FAM227B: variants seen among roughly 807,000 people sequenced by gnomAD.
FAM227B encodes the protein protein FAM227B.
In FAM227B, 88 loss-of-function variants were observed where a neutral mutation model predicts 73.8. The observed-to-expected ratio is 1.19, with a 90% confidence interval of 1.00 to 1.42. The LOEUF (loss-of-function observed/expected upper bound fraction) is 1.42, where lower values mean the gene tolerates loss of function less well. FAM227B is among the 40% of genes most tolerant of loss of function. The pLI, the probability that FAM227B is intolerant of heterozygous loss-of-function variation, is 0.00. For synonymous variants in FAM227B, 210 were observed against 190.5 expected, an observed-to-expected ratio of 1.10 and a Z score of -0.84; for missense variants, 632 against 590.9, an observed-to-expected ratio of 1.07 and a Z score of -0.72.
At chr15:49,601,135 C>T (rs1444862681) in intron 3 of FAM227B, among the ~76,000 whole-genome samples, 1 of 146,950 alleles carries the variant, frequency 6.8e-6, no homozygotes, top group East Asian at 2.1e-4. Context: ...GCGGTTTTTG[C>T]CATCACTTTT....
At chr15:49,372,656 ATCAG>A (rs1392831389) in intron 11 of FAM227B, among the ~76,000 whole-genome samples, 1 of 152,184 alleles carries the variant, frequency 6.6e-6, no homozygotes, top group Non-Finnish European at 1.5e-5. Context: ...ATGTGATTTA[ATCAG>A]GTATGTCAAT....
intron 10 of FAM227B, among the ~76,000 whole-genome samples, chr15:49,519,693 A>T (rs1240699663): frequency 2.6e-5 from 4 of 152,174 alleles, no homozygotes; most frequent in African/African-American, 9.7e-5. Context: ...CCCTGGACCC[A>T]GCCCACAAAA....
At chr15:49,422,149 T>A (rs374706041) in intron 11 of FAM227B, among the ~76,000 whole-genome samples, 2,482 of 86,414 alleles carry the variant, frequency 0.029, 81 homozygotes, top group African/African-American at 0.098. Context: ...AGAGAGAGTG[T>A]GTGTGTGTGT....
chr15:49,479,445 G>A (rs2055679151), intron 11 of FAM227B, among the ~76,000 whole-genome samples: 1 of 151,930 alleles, frequency 6.6e-6, no homozygotes, highest in South Asian at 2.1e-4. Flanking sequence ...TTTTATGTGA[G>A]GCAACGGATA....
At chr15:49,362,147 T>C (rs2044351462) in intron 13 of FAM227B, among the ~76,000 whole-genome samples, 1 of 152,064 alleles carries the variant, frequency 6.6e-6, no homozygotes, top group South Asian at 2.1e-4. Flanking sequence ...TGGCTCTGTG[T>C]CCCCACCCAA....
At chr15:49,354,544 T>TA (rs2042776084) in intron 13 of FAM227B, among the ~76,000 whole-genome samples, 1 of 152,162 alleles carries the variant, frequency 6.6e-6, no homozygotes, top group South Asian at 2.1e-4. Context: ...CCGACCGGCT[T>TA]AAAAAACGGC....
At chr15:49,605,039 T>C (rs1055376237) in intron 3 of FAM227B, among the ~76,000 whole-genome samples, 16 of 152,004 alleles carry the variant, frequency 1.1e-4, no homozygotes, top group Non-Finnish European at 2.2e-4. Context: ...TAGATCTCTA[T>C]TTTTTTAGGT....
At chr15:49,357,443 A>G in intron 13 of FAM227B, among the ~76,000 whole-genome samples, 1 of 151,736 alleles carries the variant, frequency 6.6e-6, no homozygotes, top group African/African-American at 2.4e-5. Context: ...ACCATCAGAG[A>G]ATACTACAAA....
chr15:49,599,663 C>A (rs1172721684), intron 3 of FAM227B, among the ~76,000 whole-genome samples: 2 of 152,028 alleles, frequency 1.3e-5, no homozygotes, highest in Non-Finnish European at 2.9e-5. Flanking sequence ...TTTGATTTCC[C>A]TTTTGATTTA....
At chr15:49,371,814 T>C (rs2045836764) in intron 11 of FAM227B, among the ~76,000 whole-genome samples, 1 of 143,986 alleles carries the variant, frequency 6.9e-6, no homozygotes, top group African/African-American at 2.5e-5. Flanking sequence ...TATAAATAAA[T>C]GAAATAAAAT....
intron 10 of FAM227B, among the ~76,000 whole-genome samples, chr15:49,541,096 A>C (rs1055061722): frequency 2.0e-5 from 3 of 152,170 alleles, no homozygotes; most frequent in South Asian, 4.1e-4. Context: ...TAATAATAAT[A>C]ATCTTATAAA....
At chr15:49,336,650 T>A (rs1296869375) in intron 13 of FAM227B, among the ~76,000 whole-genome samples, 3 of 152,226 alleles carry the variant, frequency 2.0e-5, no homozygotes, top group African/African-American at 7.2e-5. Flanking sequence ...AGTATTTTAT[T>A]CAATTTATTT....
intron 11 of FAM227B, chr15:49,485,875 G>A (rs535938973): frequency 1.3e-5 from 2 of 152,148 alleles, no homozygotes; most frequent in African/African-American, 4.8e-5. Flanking sequence ...AATCTCTGCT[G>A]TTCAAAAGGT....
rs754154694 is a variant in FAM227B, at chr15:49,328,573, ATTC to A, written c.1519_1521del (p.Glu507del). On this transcript the variant is annotated inframe_deletion, in exon 16 of 16. Transcript: ENST00000299338. Reference sequence around the variant, plus strand: ...GAGTTCATTTCTGGTTTCTCTTAGTATTCTTCTTCCTCAAAGTTGTAGTTGTCT... The same window carrying A: ...GAGTTCATTTCTGGTTTCTCTTAGTATTCTTCCTCAAAGTTGTAGTTGTCT... 1.7e-5 allele frequency: 27 copies of A among 1,604,028 alleles called. No homozygotes were observed. Among genetic ancestry groups the A allele is most frequent in the Non-Finnish European group, 2.0e-5 (24 of 1,173,434 alleles).
intron 13 of FAM227B, chr15:49,366,249 TAA>T: frequency 1.3e-6 from 1 of 786,456 alleles, no homozygotes; most frequent in African/African-American, 1.7e-5. Flanking sequence ...TTCATATCTA[TAA>T]AGTCTTTGTC....
At chr15:49,329,806 TAAAA>T (rs558009170) in intron 15 of FAM227B, 770 of 727,476 alleles carry the variant, frequency 1.1e-3, no homozygotes, top group Non-Finnish European at 1.2e-3. Flanking sequence ...TGGATCAGTG[TAAAA>T]AAAAAAAAAA....
intron 11 of FAM227B, among the ~76,000 whole-genome samples, chr15:49,498,150 T>G (rs1378751155): frequency 6.6e-6 from 1 of 152,234 alleles, no homozygotes; most frequent in East Asian, 1.9e-4. Flanking sequence ...TAAGCCTTAA[T>G]TTAATTATAA....
chr15:49,566,070 G>C (rs1358937083), intron 9 of FAM227B, among the ~76,000 whole-genome samples: 3 of 152,118 alleles, frequency 2.0e-5, no homozygotes, highest in African/African-American at 4.8e-5. Flanking sequence ...AATTTCTATT[G>C]CTTTAAGCCA....
chr15:49,614,092 T>C (rs770007330), intron 2 of FAM227B, among the ~76,000 whole-genome samples: 1 of 152,146 alleles, frequency 6.6e-6, no homozygotes, highest in Non-Finnish European at 1.5e-5. Context: ...CCACTCCAAG[T>C]ACAAAGCACC....
Sources: gnomAD v4.1 joint callset for allele counts (sites outside exome capture counted in the v4.1 genomes callset) on GRCh38, gnomAD v4.1.1 for gene constraint, MANE v1.5 for transcripts, NCBI Gene and HGNC (gene_info 2026-07-23, HGNC 2026-07-21) for gene names.